Variants in ANKDD1A observed in about 807,000 individuals in gnomAD.
ANKDD1A encodes the protein ankyrin repeat and death domain-containing protein 1A.
In ANKDD1A, 59 loss-of-function variants were observed where a neutral mutation model predicts 63.5. That is an observed-to-expected ratio of 0.93 (90% confidence interval 0.75 to 1.15). The LOEUF (loss-of-function observed/expected upper bound fraction) is 1.15, where lower values mean the gene tolerates loss of function less well. ANKDD1A is among the 50% of genes most tolerant of loss of function. ANKDD1A has a pLI of 0.00. For synonymous variants in ANKDD1A, 266 were observed against 263.9 expected, an observed-to-expected ratio of 1.01 and a Z score of -0.08; for missense variants, 632 against 656.4, an observed-to-expected ratio of 0.96 and a Z score of 0.41.
intron 12 of ANKDD1A, among the ~76,000 whole-genome samples, chr15:64,945,807 T>C (rs1351157892): frequency 1.3e-5 from 2 of 151,086 alleles, no homozygotes; most frequent in African/African-American, 4.9e-5. Flanking sequence ...TAATTTTTTG[T>C]ATTTTTAGTA....
At chr15:64,951,583 T>A (rs1388027986) in intron 14 of ANKDD1A, 1 of 101,134 alleles carries the variant, frequency 9.9e-6, no homozygotes, top group Non-Finnish European at 2.0e-5. Context: ...CTTCTTCTTC[T>A]TCCTTTTCTT....
At chr15:64,924,141 G>A (rs1025705528) in intron 4 of ANKDD1A, among the ~76,000 whole-genome samples, 5 of 152,246 alleles carry the variant, frequency 3.3e-5, no homozygotes, top group Non-Finnish European at 5.9e-5. Flanking sequence ...TGGCCCTGGA[G>A]GGTCTCACTC....
In ANKDD1A at chr15:64,927,083, C is replaced by T. The variant is rs148599136; in HGVS notation, c.570+84C>T. The T allele has an allele frequency of 5.6e-4, 792 of 1,405,404 alleles. 2 individuals carry two copies. The African/African-American group carries it at 9.9e-3, about 17-fold the overall frequency. 87.1% of individuals were successfully genotyped at this position (1,405,404 alleles called of 1,614,324 possible). A position where few individuals can be genotyped will look rare whatever the true frequency, so the allele number is the denominator to read the frequency against. ...GGCTCTGGCTCCTCACCTGTGTCCA[C>T]GTCTGACTCCGATTGCGCTGGAGGC... On this transcript the variant is annotated intron_variant, in intron 6 of 14. Coordinates refer to ENST00000319580, the MANE Select transcript of ANKDD1A (RefSeq NM_182703.6).
chr15:64,950,089 C>G, intron 14 of ANKDD1A, 117 bp downstream of exon 14: 1 of 1,519,708 alleles, frequency 6.6e-7, no homozygotes, highest in Non-Finnish European at 8.8e-7. Flanking sequence ...TCTAGGCCTT[C>G]CAGATTCCTA....
Position 64,954,434 on chromosome 15 carries a change from TCGTCTTCTC to T in ANKDD1A, c.1484-2667_1484-2659del, listed in dbSNP as rs2085385580. On this transcript the variant is annotated intron_variant, in intron 14 of 14. Transcript: ENST00000319580. ...TCTTCCTCCTCTCCTCCTTCGTTCGTCGTCTTCTCCTTCTTCTTCTTCCCTCTTCTCCTT... is the reference window on the plus strand; with the variant it reads ...TCTTCCTCCTCTCCTCCTTCGTTCGTCTTCTTCTTCTTCCCTCTTCTCCTT... Among the ~76,000 whole-genome samples the T allele has an allele frequency of 2.8e-5, 4 of 141,836 alleles. No individual in the cohort carries two copies. In the Admixed American group the frequency reaches 2.8e-4, roughly 10 times the overall value. The allele number at this position is 141,836 out of a possible 152,430, so 93.0% of individuals were successfully genotyped here.
At position 64,955,613 on chromosome 15, in the gene ANKDD1A, A is replaced by G. The variant is rs535805249; in HGVS notation, c.1484-1490A>G. ...TCTGTGCAGGATAGAAATCCTGCCC[A>G]GAGGCTGTTTCTGTCTCATTTGAGC... On this transcript the variant is annotated intron_variant, in intron 14 of 14. Coordinates refer to ENST00000319580, the MANE Select transcript of ANKDD1A (RefSeq NM_182703.6). 2.1e-4 allele frequency among the ~76,000 whole-genome samples: 32 copies of G among 152,276 alleles called. No individual in the cohort carries two copies. In the South Asian group the frequency reaches 6.0e-3, roughly 29 times the overall value.
intron 4 of ANKDD1A, 23 bp downstream of exon 4, chr15:64,922,042 C>A: frequency 6.2e-7 from 1 of 1,608,974 alleles, no homozygotes; most frequent in South Asian, 1.1e-5. Context: ...CTGGTAGACC[C>A]CTGTCCCCTC....
At chr15:64,920,053 G>A (rs1298995026) in intron 3 of ANKDD1A, 1 of 152,172 alleles carries the variant, frequency 6.6e-6, no homozygotes, top group Non-Finnish European at 1.5e-5. Context: ...CCCTCCCTAA[G>A]AGGAATTCTG....
intron 4 of ANKDD1A, among the ~76,000 whole-genome samples, chr15:64,922,666 G>A (rs2085016065): frequency 6.6e-6 from 1 of 152,048 alleles, no homozygotes; most frequent in Admixed American, 6.6e-5. Context: ...TTTTGAGATG[G>A]AGTCTTGCTG....
At chr15:64,922,837 G>A (rs2085017166) in intron 4 of ANKDD1A, among the ~76,000 whole-genome samples, 2 of 152,032 alleles carry the variant, frequency 1.3e-5, no homozygotes, top group Admixed American at 6.6e-5. Context: ...ATGAATGTAG[G>A]TAATATTAGT....
intron 9 of ANKDD1A, among the ~76,000 whole-genome samples, chr15:64,940,823 C>T (rs1185082919): frequency 6.6e-6 from 1 of 152,096 alleles, no homozygotes; most frequent in African/African-American, 2.4e-5. Flanking sequence ...ACTGCAGCCT[C>T]GTCCTCTTGG....
chr15:64,917,950 TGA>T lies in ANKDD1A; in HGVS notation c.267+444_267+445del, dbSNP rs550598155. The stretch of plus-strand genomic sequence containing the variant: ...AACCAATTGGCAGGCAGCGTGTTGC[TGA>T]GAGAGAGCACTGATGAGTAACGGGG... On this transcript the variant is annotated intron_variant, in intron 3 of 14. Transcript: ENST00000319580. 5.1e-3 allele frequency among the ~76,000 whole-genome samples: 777 copies of T among 152,352 alleles called. 10 individuals carry two copies. The highest frequency in any genetic ancestry group is 3.2e-3 in the Non-Finnish European group (216 of 68,026).
intron 2 of ANKDD1A, 140 bp downstream of exon 2, chr15:64,916,040 C>A: frequency 1.3e-6 from 1 of 768,388 alleles, no homozygotes; most frequent in Non-Finnish European, 2.0e-6. Flanking sequence ...GCTCTGTCCT[C>A]ATGGCCTGCA....
chr15:64,932,913 T>TA (rs1377662010), intron 8 of ANKDD1A, among the ~76,000 whole-genome samples: 1 of 148,836 alleles, frequency 6.7e-6, no homozygotes, highest in Non-Finnish European at 1.5e-5. Flanking sequence ...TGCACCACTG[T>TA]ACTCCAGCCT....
At chr15:64,953,610 C>CCCTCTTCT (rs2085349384) in intron 14 of ANKDD1A, among the ~76,000 whole-genome samples, 2 of 4,930 alleles carry the variant, frequency 4.1e-4, no homozygotes, top group Admixed American at 3.5e-3. Context: ...CTTCTTTCTT[C>CCCTCTTCT]TCTCCTTCTT....
At chr15:64,928,235 C>G (rs947490114) in intron 6 of ANKDD1A, among the ~76,000 whole-genome samples, 5 of 152,228 alleles carry the variant, frequency 3.3e-5, no homozygotes, top group Non-Finnish European at 7.3e-5. Context: ...GTTGGACCCC[C>G]TTGGGTTCTG....
chr15:64,951,499 CTTCCT>C, intron 14 of ANKDD1A: 2 of 109,712 alleles, frequency 1.8e-5, no homozygotes, highest in Non-Finnish European at 3.6e-5. Flanking sequence ...TTTTCTTCTT[CTTCCT>C]CTTCCTTCTT....
intron 13 of ANKDD1A, 83 bp from the exon 14 acceptor site, chr15:64,949,758 G>A: frequency 1.9e-6 from 3 of 1,558,088 alleles, no homozygotes; most frequent in Admixed American, 1.7e-5. Context: ...AGGAGGCGGT[G>A]CAGGGTGGCA....
chr15:64,915,106 ACCAGCCTGG>A (rs1451043810), intron 1 of ANKDD1A, among the ~76,000 whole-genome samples: 2 of 152,160 alleles, frequency 1.3e-5, no homozygotes, highest in African/African-American at 4.8e-5. Context: ...GGAGTTGGGG[ACCAGCCTGG>A]CCAACCTGGT....
Sources: allele counts gnomAD v4.1 joint callset (sites outside exome capture counted in the v4.1 genomes callset), GRCh38; gene constraint gnomAD v4.1.1; transcripts MANE v1.5; gene names NCBI Gene and HGNC (gene_info 2026-07-23, HGNC 2026-07-21).